Variants in DCAF8L2 observed in about 807,000 individuals in gnomAD.
DCAF8L2 encodes the protein DDB1- and CUL4-associated factor 8-like protein 2.
For missense variants in DCAF8L2, 430 were observed against 490.7 expected (o/e 0.88, Z 1.17); for synonymous variants, 200 against 190.9 (o/e 1.05, Z -0.39).
intron 3 of DCAF8L2, among the ~76,000 whole-genome samples, chrX:27,714,374 T>C (rs1191478381): frequency 3.6e-5 from 4 of 111,274 alleles, no homozygotes; most frequent in African/African-American, 1.3e-4. Context: ...TAATTCATTG[T>C]GAGTTTTTTT....
chrX:27,687,705 A>T (rs1164473699), intron 3 of DCAF8L2, among the ~76,000 whole-genome samples: 1 of 111,273 alleles, frequency 9.0e-6, no homozygotes, highest in Admixed American at 9.6e-5. Flanking sequence ...AGTTTAAAAA[A>T]TAGTTGGTCC....
chrX:27,720,626 G>A (rs1371310633), intron 4 of DCAF8L2, among the ~76,000 whole-genome samples: 5 of 111,542 alleles, frequency 4.5e-5, no homozygotes, highest in Non-Finnish European at 9.4e-5. Flanking sequence ...ACCCGCCTCG[G>A]CCTCCCAAAG....
At chrX:27,531,764 C>T in the DCAF8L2 span, among the ~76,000 whole-genome samples, 2 of 110,968 alleles carry the variant, frequency 1.8e-5, no homozygotes, top group East Asian at 5.7e-4. Context: ...GATTCTGGTC[C>T]TTAAGGCCAT....
At chrX:27,591,379 T>A (rs1419871107) in intron 1 of DCAF8L2, among the ~76,000 whole-genome samples, 1 of 110,580 alleles carries the variant, frequency 9.0e-6, no homozygotes, top group African/African-American at 3.3e-5. Flanking sequence ...TCCCTGATCA[T>A]CCTCTTTTAC....
the DCAF8L2 span, among the ~76,000 whole-genome samples, chrX:27,568,752 T>C: frequency 9.2e-6 from 1 of 108,124 alleles, no homozygotes. Flanking sequence ...ACATGTGCCA[T>C]GTTGGTGTGC....
At chrX:27,710,892 C>A (rs1373762610) in intron 3 of DCAF8L2, among the ~76,000 whole-genome samples, 1 of 111,556 alleles carries the variant, frequency 9.0e-6, no homozygotes, top group Non-Finnish European at 1.9e-5. Context: ...TTTGTAGATG[C>A]CCGTTATCTA....
At chrX:27,575,515 A>G in the DCAF8L2 span, among the ~76,000 whole-genome samples, 1 of 111,066 alleles carries the variant, frequency 9.0e-6, no homozygotes, top group Non-Finnish European at 1.9e-5. Flanking sequence ...ACTTAAAGGG[A>G]CCACACTCTT....
chrX:27,524,972 A>AG, the DCAF8L2 span, among the ~76,000 whole-genome samples: 1 of 112,178 alleles, frequency 8.9e-6, no homozygotes, highest in Non-Finnish European at 1.9e-5. Flanking sequence ...TATTGGAATA[A>AG]GTGCGATGTG....
chrX:27,542,519 A>G, the DCAF8L2 span, among the ~76,000 whole-genome samples: 1 of 90,687 alleles, frequency 1.1e-5, no homozygotes, highest in Non-Finnish European at 2.2e-5. Flanking sequence ...GTGTCTGTTC[A>G]TGTCCTTTGC....
the DCAF8L2 span, among the ~76,000 whole-genome samples, chrX:27,490,703 G>A: frequency 2.7e-5 from 3 of 110,678 alleles, no homozygotes; most frequent in African/African-American, 9.9e-5. Context: ...CTTATAATCC[G>A]CCCACCTCGG....
At chrX:27,512,810 A>AAAAAAAAAAAAAAAAC in the DCAF8L2 span, among the ~76,000 whole-genome samples, 1 of 101,613 alleles carries the variant, frequency 9.8e-6, no homozygotes, top group African/African-American at 3.7e-5. Context: ...AAAAAAAAAA[A>AAAAAAAAAAAAAAAAC]CAAAGCTGGA....
At chrX:27,738,119 C>A (rs889631795) in intron 4 of DCAF8L2, among the ~76,000 whole-genome samples, 2 of 111,580 alleles carry the variant, frequency 1.8e-5, no homozygotes, top group Non-Finnish European at 3.8e-5. Context: ...AGAGTAGTTA[C>A]GGTAATGTCC....
the DCAF8L2 span, among the ~76,000 whole-genome samples, chrX:27,581,497 G>A: frequency 4.5e-5 from 5 of 111,405 alleles, no homozygotes; most frequent in African/African-American, 6.5e-5. Context: ...TGAGGCCTCC[G>A]TGATAAAATG....
the DCAF8L2 span, among the ~76,000 whole-genome samples, chrX:27,472,678 T>C: frequency 8.9e-6 from 1 of 111,776 alleles, no homozygotes; most frequent in Non-Finnish European, 1.9e-5. Context: ...TTGCTGAGGA[T>C]GATGGCTTCT....
At chrX:27,692,248 A>G (rs1295625054) in intron 3 of DCAF8L2, among the ~76,000 whole-genome samples, 1 of 111,616 alleles carries the variant, frequency 9.0e-6, no homozygotes, top group African/African-American at 3.3e-5. Context: ...TCTTGGAGAT[A>G]TGTACTTACA....
At chrX:27,500,831 A>G in the DCAF8L2 span, among the ~76,000 whole-genome samples, 1 of 111,873 alleles carries the variant, frequency 8.9e-6, no homozygotes, top group South Asian at 3.7e-4. Context: ...AAAGATTAAT[A>G]GACCAAATTA....
rs1922233795 is a variant in DCAF8L2 at position 27,747,269 on chromosome X, G to A, written c.374G>A (p.Gly125Glu). Reference protein sequence around the residue: ...EEDEEIQEEGGEEEEEEEEEE... With the variant: ...EEDEEIQEEGEEEEEEEEEEE... ...GACGAAGAGATACAAGAGGAGGGAG[G>A]GGAGGAGGAGGAAGAGGAGGAGGAG... Residue 125 changes from glycine (G) to glutamate (E), a missense_variant, in exon 5 of 5, where the codon GGG (glycine) becomes GAG (glutamate). Coordinates refer to ENST00000451261, the MANE Select transcript of DCAF8L2 (RefSeq NM_001353450.2). 9 of 1,100,304 alleles carry A rather than the reference G, an allele frequency of 8.2e-6. No homozygotes were observed. The highest frequency in any genetic ancestry group is 2.6e-4 in the Middle Eastern group (1 of 3,789). The allele number at this position is 1,100,304 out of a possible 1,213,427, so 90.7% of individuals were successfully genotyped here. A position where few individuals can be genotyped will look rare whatever the true frequency, so the allele number is the denominator to read the frequency against.
At chrX:27,553,441 T>G in the DCAF8L2 span, among the ~76,000 whole-genome samples, 369 of 111,581 alleles carry the variant, frequency 3.3e-3, 1 homozygote, top group African/African-American at 0.011. Flanking sequence ...CGGTGTTGGG[T>G]GCATATGTGT....
intron 4 of DCAF8L2, among the ~76,000 whole-genome samples, chrX:27,722,731 GGAT>G (rs1189447732): frequency 9.1e-6 from 1 of 110,428 alleles, no homozygotes; most frequent in African/African-American, 3.3e-5. Flanking sequence ...AAAAGCAGGA[GGAT>G]AACAAAATGC....
Sources: gnomAD v4.1 joint callset for allele counts (sites outside exome capture counted in the v4.1 genomes callset) on GRCh38, gnomAD v4.1.1 for gene constraint, MANE v1.5 for transcripts, NCBI Gene and HGNC (gene_info 2026-07-23, HGNC 2026-07-21) for gene names.